PCDHA6: variants seen among roughly 807,000 people sequenced by gnomAD.
PCDHA6 encodes the protein protocadherin alpha-6.
PCDHA6 carries 55 observed loss-of-function variants against 60.3 expected under a neutral mutation model. The ratio of observed to expected loss-of-function variants is 0.91; its 90% CI spans 0.73 to 1.14. The LOEUF is 1.14. Ranked by LOEUF, PCDHA6 falls within the 50% of genes most tolerant of loss-of-function variation. The pLI, the probability that PCDHA6 is intolerant of heterozygous loss-of-function variation, is 0.00. For missense variants in PCDHA6, 1,327 were observed against 1,256.5 expected (o/e 1.06, Z -0.85); for synonymous variants, 652 against 557.9 (o/e 1.17, Z -2.38).
intron 3 of PCDHA6, among the ~76,000 whole-genome samples, chr5:141,008,882 A>G (rs2098393885): frequency 6.6e-6 from 1 of 152,170 alleles, no homozygotes; most frequent in Non-Finnish European, 1.5e-5. Flanking sequence ...ACCACCCTTC[A>G]ATGTTATTAC....
intron 1 of PCDHA6, chr5:140,836,210 T>G (rs2150255516): frequency 2.2e-5 from 36 of 1,613,654 alleles, no homozygotes; most frequent in Admixed American, 6.7e-5. Flanking sequence ...GGCTTTCGTA[T>G]GAGTTGCAAC....
At chr5:140,968,062 G>A in intron 1 of PCDHA6, 2 of 1,614,120 alleles carry the variant, frequency 1.2e-6, no homozygotes, top group Non-Finnish European at 1.7e-6. Flanking sequence ...GAGAGCGGGT[G>A]GCTGTCTACA....
In PCDHA6 at chr5:140,848,578, G is replaced by A. The variant is rs148489343; in HGVS notation, c.2394+18093G>A. On this transcript the variant is annotated intron_variant, in intron 1 of 3. Transcript: ENST00000529310. ...ATCCTCGCAATGTGGGTGGTGGGGA[G>A]CGGCCAGCTCCACTACTCCGTCCCG... 4 of 1,595,522 alleles carry A rather than the reference G, an allele frequency of 2.5e-6. 1 individual carries two copies. In the African/African-American group the frequency reaches 4.0e-5, roughly 16 times the overall value.
chr5:140,967,925 C>T, intron 1 of PCDHA6: 1 of 1,614,224 alleles, frequency 6.2e-7, no homozygotes, highest in South Asian at 1.1e-5. Context: ...TGTGGCCGTT[C>T]TCAGTGTCAA....
At chr5:140,843,202 C>A in intron 1 of PCDHA6, 1 of 1,596,044 alleles carries the variant, frequency 6.3e-7, no homozygotes, top group Non-Finnish European at 8.6e-7. Flanking sequence ...TGGGGCTGTA[C>A]ACGGGCGAGA....
chr5:140,850,772 C>A lies in PCDHA6; in HGVS notation c.2394+20287C>A, dbSNP rs2041813098. 4.4e-6 allele frequency: 7 copies of A among 1,598,004 alleles called. 1 individual carries two copies. Among genetic ancestry groups the A allele is most frequent in the Non-Finnish European group, 6.0e-6 (7 of 1,167,724 alleles). Reference sequence around the variant, plus strand: ...CGCAGCAGAGGAGGCAGAGGGTGTGCTCTGGCGAGGGTAAGCAGAAGACCG... The same window carrying A: ...CGCAGCAGAGGAGGCAGAGGGTGTGATCTGGCGAGGGTAAGCAGAAGACCG... On this transcript the variant is annotated intron_variant, in intron 1 of 3. Transcript: ENST00000529310.
intron 1 of PCDHA6, among the ~76,000 whole-genome samples, chr5:140,940,983 C>T (rs572659107): frequency 6.6e-6 from 1 of 152,176 alleles, no homozygotes; most frequent in Non-Finnish European, 1.5e-5. Context: ...TATCTAGTTA[C>T]AAGTTTATAG....
At chr5:140,862,473 A>G in intron 1 of PCDHA6, 1 of 377,242 alleles carries the variant, frequency 2.7e-6, no homozygotes. Flanking sequence ...GAGCAAATCT[A>G]TCCATTGTTG....
chr5:140,951,703 C>T (rs1000873823), intron 1 of PCDHA6, among the ~76,000 whole-genome samples: 3 of 152,110 alleles, frequency 2.0e-5, no homozygotes, highest in Non-Finnish European at 2.9e-5. Context: ...GAGCTTTGGG[C>T]GGGGACACAG....
At chr5:140,927,130 C>T (rs1554204065) in intron 1 of PCDHA6, 6 of 1,614,032 alleles carry the variant, frequency 3.7e-6, no homozygotes, top group African/African-American at 1.3e-5. Flanking sequence ...GGTCAGAGAG[C>T]CGGCGGACCG....
At chr5:140,852,040 G>A (rs2150280605) in intron 1 of PCDHA6, 1 of 922,330 alleles carries the variant, frequency 1.1e-6, no homozygotes, top group Admixed American at 6.3e-5. Flanking sequence ...TTGAGTTTTT[G>A]TTATGTGGTT....
intron 1 of PCDHA6, among the ~76,000 whole-genome samples, chr5:140,964,199 A>G (rs1183847716): frequency 1.3e-5 from 2 of 152,240 alleles, no homozygotes; most frequent in Non-Finnish European, 2.9e-5. Flanking sequence ...AGAGTATACC[A>G]TCTCTTTAGT....
Position 140,829,777 on chromosome 5 carries a change from G to T in PCDHA6, c.1686G>T (p.Ala562=), listed in dbSNP as rs1554132235. The change falls in exon 1 of 4, where the codon GCG becomes GCT. Residue 562 remains alanine, a synonymous_variant. Coordinates refer to ENST00000529310, the MANE Select transcript of PCDHA6 (RefSeq NM_018909.4). ...TCGTGCTGGACGAGAACGACAACGCGCCGGCGCTGCTGGCGCCTCGGGTGG... is the reference window on the plus strand; with the variant it reads ...TCGTGCTGGACGAGAACGACAACGCTCCGGCGCTGCTGGCGCCTCGGGTGG... The part of the protein sequence containing the change: ...QVFVLDENDN[A]PALLAPRVGG... 4 of 1,613,626 alleles carry T rather than the reference G, an allele frequency of 2.5e-6. No homozygotes were observed. The highest frequency in any genetic ancestry group is 1.3e-5 in the African/African-American group (1 of 74,928).
At chr5:140,858,321 C>A in intron 1 of PCDHA6, 1 of 1,596,814 alleles carries the variant, frequency 6.3e-7, no homozygotes, top group Non-Finnish European at 8.6e-7. Flanking sequence ...AGGGTGTGTT[C>A]TGGGGAGGGC....
In PCDHA6 at chr5:140,857,592, A is replaced by G. The variant is rs782473553; in HGVS notation, c.2394+27107A>G. On this transcript the variant is annotated intron_variant, in intron 1 of 3. Coordinates refer to ENST00000529310, the MANE Select transcript of PCDHA6 (RefSeq NM_018909.4). ...GTGTCGGTGCACGCGGAGAGCGGCA[A>G]GGTGTACGCGCTGCAGCCGCTGGAC... 5 of 1,596,098 alleles carry G rather than the reference A, an allele frequency of 3.1e-6. No individual in the cohort carries two copies. In the African/African-American group the frequency reaches 6.7e-5, roughly 21 times the overall value.
chr5:140,865,961 T>C (rs1314413159), intron 1 of PCDHA6: 9 of 152,210 alleles, frequency 5.9e-5, no homozygotes, highest in Admixed American at 5.9e-4. Context: ...ATTAATTTTG[T>C]ACAATGTGTG....
At chr5:140,966,740 C>G in intron 1 of PCDHA6, 1 of 1,422,696 alleles carries the variant, frequency 7.0e-7, no homozygotes, top group Non-Finnish European at 9.1e-7. Flanking sequence ...CGGCCCTGCC[C>G]GGCTGCCTCC....
chr5:140,933,405 T>C (rs2089126451), intron 1 of PCDHA6, among the ~76,000 whole-genome samples: 1 of 152,062 alleles, frequency 6.6e-6, no homozygotes, highest in African/African-American at 2.4e-5. Context: ...GGTTACCATC[T>C]ACAGATATTC....
At chr5:140,860,671 T>G (rs1339790199) in intron 1 of PCDHA6, 4 of 152,218 alleles carry the variant, frequency 2.6e-5, no homozygotes, top group Non-Finnish European at 2.9e-5. Flanking sequence ...TGAAATCAAA[T>G]GCACTTATGT....
Sources: allele counts gnomAD v4.1 joint callset (sites outside exome capture counted in the v4.1 genomes callset), GRCh38; gene constraint gnomAD v4.1.1; transcripts MANE v1.5; gene names NCBI Gene and HGNC (gene_info 2026-07-23, HGNC 2026-07-21).